TEX2: variants seen among roughly 807,000 people sequenced by gnomAD.
The protein encoded by TEX2 is testis expressed 2.
Under a neutral mutation model 106.9 loss-of-function variants are expected in TEX2, and 53 were observed. The observed-to-expected ratio is 0.50, with a 90% confidence interval of 0.40 to 0.62. The LOEUF (loss-of-function observed/expected upper bound fraction) is 0.62, where lower values mean the gene tolerates loss of function less well. Ranked by LOEUF, TEX2 falls within the 20% of genes least tolerant of loss-of-function variation. The probability of loss-of-function intolerance (pLI) is 0.00; values close to 1 mark genes in which losing one functional copy is unlikely to be tolerated. For missense variants in TEX2, 1,207 were observed against 1,379.0 expected (o/e 0.88, Z 1.98); for synonymous variants, 523 against 534.8 (o/e 0.98, Z 0.30).
intron 1 of TEX2, among the ~76,000 whole-genome samples, chr17:64,257,239 T>C (rs2143518204): frequency 6.6e-6 from 1 of 152,322 alleles, no homozygotes. Context: ...ACATTTCCCA[T>C]TCTCCCAGCT....
intron 1 of TEX2, among the ~76,000 whole-genome samples, chr17:64,235,349 A>C (rs1215629055): frequency 2.6e-5 from 4 of 152,262 alleles, no homozygotes; most frequent in African/African-American, 7.2e-5. Flanking sequence ...TTGACAAACC[A>C]ATCTGGAGCC....
chr17:64,157,068 C>G (rs1174014550), intron 8 of TEX2, among the ~76,000 whole-genome samples: 1 of 152,218 alleles, frequency 6.6e-6, no homozygotes, highest in Non-Finnish European at 1.5e-5. Flanking sequence ...TACCTCTGCT[C>G]TCCGCGCTGG....
At chr17:64,193,491 G>C in intron 4 of TEX2, 68 bp downstream of exon 4, 1 of 1,198,912 alleles carries the variant, frequency 8.3e-7, no homozygotes, top group Non-Finnish European at 1.1e-6. Flanking sequence ...TTCCTACCTG[G>C]CATTCTTTCT....
chr17:64,193,736 C>CGG lies in TEX2; in HGVS notation c.1998_1999insCC (p.Asp667ProfsTer45), dbSNP rs751819027. 4 of 1,613,476 alleles carry CGG rather than the reference C, an allele frequency of 2.5e-6. No homozygotes were observed. In the African/African-American group the frequency reaches 5.3e-5, roughly 22 times the overall value. On this transcript the variant is annotated frameshift_variant, in exon 4 of 12. Coordinates refer to ENST00000584379, the MANE Select transcript of TEX2 (RefSeq NM_001288732.2). LOFTEE classifies it high-confidence loss of function. ...TGAGGGCGGGGTGGCTTCTTAGGGT[C>CGG]CTCACTTCCCTCAGCTGGCGGCTTC...
At chr17:64,229,899 T>C (rs2033616195) in intron 1 of TEX2, among the ~76,000 whole-genome samples, 1 of 152,220 alleles carries the variant, frequency 6.6e-6, no homozygotes, top group African/African-American at 2.4e-5. Flanking sequence ...TTCAGATTAA[T>C]TCTTCAAAAA....
At chr17:64,208,022 C>T (rs549973175) in intron 2 of TEX2, among the ~76,000 whole-genome samples, 146 of 152,170 alleles carry the variant, frequency 9.6e-4, no homozygotes, top group Non-Finnish European at 1.2e-3. Context: ...GCGTGAGCCA[C>T]CACACCCGGC....
rs2033041145 is a variant in TEX2, at chr17:64,212,680, A to T, written c.1538T>A (p.Ile513Asn). 6.2e-7 allele frequency: 1 copy of T among 1,614,182 alleles called. No individual in the cohort carries two copies. Among genetic ancestry groups the T allele is most frequent in the Admixed American group, 1.7e-5 (1 of 60,010 alleles). Residue 513 changes from isoleucine to asparagine, a missense_variant, in exon 2 of 12, where the codon ATT becomes AAT. Ile to Asn is a moderately radical substitution (Grantham distance 149). Coordinates refer to ENST00000584379, the MANE Select transcript of TEX2 (RefSeq NM_001288732.2). ...GLGFMTAVCV[I>N]WFFTPPSAHK... is the part of the protein sequence containing the mutation. Reference sequence around the variant, plus strand: ...AGCACTTGGTGGTGTAAAAAACCAAATCACGCAAACTGCAGTCATGAATCC... The same window carrying T: ...AGCACTTGGTGGTGTAAAAAACCAATTCACGCAAACTGCAGTCATGAATCC...
chr17:64,159,422 G>A (rs1023558516), intron 8 of TEX2, among the ~76,000 whole-genome samples: 1 of 152,120 alleles, frequency 6.6e-6, no homozygotes, highest in African/African-American at 2.4e-5. Context: ...CGTGGGGGTG[G>A]GGTGGGGACA....
At chr17:64,165,123 C>A (rs1222960124) in intron 7 of TEX2, among the ~76,000 whole-genome samples, 2 of 152,166 alleles carry the variant, frequency 1.3e-5, no homozygotes, top group Admixed American at 1.3e-4. Context: ...AAGAACAAAA[C>A]TTCTTAAAAT....
chr17:64,198,494 C>T (rs2143937254), intron 2 of TEX2, among the ~76,000 whole-genome samples: 1 of 148,056 alleles, frequency 6.8e-6, no homozygotes, highest in African/African-American at 2.4e-5. Flanking sequence ...TAGATCAAAA[C>T]AGCCACTTGT....
intron 4 of TEX2, among the ~76,000 whole-genome samples, chr17:64,189,522 A>G (rs2032215757): frequency 6.6e-6 from 1 of 152,152 alleles, no homozygotes; most frequent in African/African-American, 2.4e-5. Context: ...AGGATAGGAA[A>G]TGAGGATGGA....
chr17:64,164,241 C>G (rs998859662), intron 7 of TEX2, among the ~76,000 whole-genome samples: 5 of 152,060 alleles, frequency 3.3e-5, no homozygotes, highest in Admixed American at 3.3e-4. Context: ...AGTTCAAGAC[C>G]AGCCTGGCCA....
chr17:64,171,464 G>A (rs1194492927), intron 6 of TEX2, among the ~76,000 whole-genome samples: 4 of 152,052 alleles, frequency 2.6e-5, no homozygotes, highest in African/African-American at 9.7e-5. Context: ...TACTTCCAGA[G>A]AGTGATTAGT....
At chr17:64,178,568 G>C (rs1266655175) in intron 5 of TEX2, among the ~76,000 whole-genome samples, 1 of 152,156 alleles carries the variant, frequency 6.6e-6, no homozygotes, top group Non-Finnish European at 1.5e-5. Context: ...CGGTGGGGGT[G>C]GGGGAAGGGG....
intron 7 of TEX2, among the ~76,000 whole-genome samples, chr17:64,166,385 G>C (rs1307852537): frequency 6.6e-6 from 1 of 152,236 alleles, no homozygotes; most frequent in Non-Finnish European, 1.5e-5. Context: ...TGTACGAGCA[G>C]GACCCAAACA....
intron 7 of TEX2, among the ~76,000 whole-genome samples, chr17:64,169,340 A>G (rs554048503): frequency 6.6e-6 from 1 of 152,332 alleles, no homozygotes; most frequent in South Asian, 2.1e-4. Context: ...CACTCAGCCA[A>G]TGCATCTTTT....
At chr17:64,188,815 C>CAA (rs200457668) in intron 4 of TEX2, among the ~76,000 whole-genome samples, 8 of 97,188 alleles carry the variant, frequency 8.2e-5, no homozygotes, top group South Asian at 3.1e-4. Flanking sequence ...GACTCCATCT[C>CAA]AAAAAAAAAA....
chr17:64,149,480 G>A (rs1052534888), intron 11 of TEX2: 4 of 161,818 alleles, frequency 2.5e-5, no homozygotes, highest in East Asian at 3.7e-4. Flanking sequence ...AAATCCTAGC[G>A]ATAAAATGTA....
chr17:64,174,205 G>A (rs1016510541), intron 6 of TEX2, among the ~76,000 whole-genome samples: 2 of 152,188 alleles, frequency 1.3e-5, no homozygotes, highest in African/African-American at 2.4e-5. Context: ...TGAATAAAGA[G>A]ACAGCAGGAA....
Sources: allele counts gnomAD v4.1 joint callset (sites outside exome capture counted in the v4.1 genomes callset), GRCh38; gene constraint gnomAD v4.1.1; transcripts MANE v1.5; gene names NCBI Gene and HGNC (gene_info 2026-07-23, HGNC 2026-07-21).